Variants in MARK3 observed in about 807,000 individuals in gnomAD.
MARK3 encodes the protein microtubule affinity regulating kinase 3, also known as MAP/microtubule affinity-regulating kinase 3.
A neutral mutation model predicts 90.1 loss-of-function variants in MARK3; 46 were observed. The observed-to-expected ratio is 0.51, with a 90% CI of 0.40 to 0.65. The LOEUF (loss-of-function observed/expected upper bound fraction) is 0.65. Ranked by LOEUF, MARK3 falls within the 30% of genes least tolerant of loss-of-function variation. MARK3 has a pLI of 0.00. For missense variants in MARK3, 818 were observed against 947.2 expected (o/e 0.86, Z 1.79); for synonymous variants, 321 against 332.6 (o/e 0.97, Z 0.38).
intron 4 of MARK3, among the ~76,000 whole-genome samples, chr14:103,450,621 A>G (rs17679475): frequency 0.26 from 39,201 of 152,066 alleles, 6,254 homozygotes; most frequent in Middle Eastern, 0.44. Flanking sequence ...TTTTCTTCAC[A>G]GTCTGAACGT....
chr14:103,453,263 T>C (rs1350316178), intron 5 of MARK3, among the ~76,000 whole-genome samples: 6 of 152,218 alleles, frequency 3.9e-5, no homozygotes, highest in Non-Finnish European at 8.8e-5. Context: ...GGCAGAAGCT[T>C]TCTTGTTCAT....
At position 103,405,165 on chromosome 14, in the gene MARK3, A is replaced by G. The variant is rs762102068; in HGVS notation, c.141A>G (p.Ala47=). The part of the protein sequence containing the change: ...ARCRNSIASC[A]DEQPHIGNYR... ...GTAGAAACTCTATAGCCTCCTGTGC[A>G]GATGAACAACCTCACATCGGAAACT... The change falls in exon 2 of 18, where the codon GCA becomes GCG. Residue 47 remains alanine (A), a synonymous_variant. Transcript: ENST00000429436. 2 of 1,603,458 alleles carry G rather than the reference A, an allele frequency of 1.2e-6. No individual in the cohort carries two copies. The highest frequency in any genetic ancestry group is 1.7e-6 in the Non-Finnish European group (2 of 1,177,224).
In MARK3 at chr14:103,467,098, A is replaced by G. The variant is rs757648850; in HGVS notation, c.1017A>G (p.Gly339=). The change falls in exon 11 of 18, where the codon GGA becomes GGG. Residue 339 remains glycine (G), a synonymous_variant. Transcript: ENST00000429436. ...TTTTAGATATTATGGTGGGAATGGGATATTCACAAGAAGAAATTCAAGAAT... is the reference window on the plus strand; with the variant it reads ...TTTTAGATATTATGGTGGGAATGGGGTATTCACAAGAAGAAATTCAAGAAT... The part of the protein sequence containing the change: ...QKRIDIMVGM[G]YSQEEIQESL... The G allele has an allele frequency of 2.6e-6, 4 of 1,549,094 alleles. No individual in the cohort carries two copies. The highest frequency in any genetic ancestry group is 3.6e-6 in the Non-Finnish European group (4 of 1,123,440).
At chr14:103,477,877 G>A (rs2093742083) in intron 13 of MARK3, among the ~76,000 whole-genome samples, 1 of 151,888 alleles carries the variant, frequency 6.6e-6, no homozygotes, top group Non-Finnish European at 1.5e-5. Context: ...TGTAGTACCA[G>A]CTACTTGAGA....
intron 1 of MARK3, among the ~76,000 whole-genome samples, chr14:103,397,579 C>A (rs1023742183): frequency 6.6e-6 from 1 of 152,140 alleles, no homozygotes. Flanking sequence ...CCTGCCTCAG[C>A]CTCCTAAAGT....
intron 12 of MARK3, among the ~76,000 whole-genome samples, chr14:103,470,205 A>C (rs2141659800): frequency 6.6e-6 from 1 of 152,132 alleles, no homozygotes; most frequent in African/African-American, 2.4e-5. Flanking sequence ...TGTCATTCTC[A>C]TCCATACTCT....
intron 14 of MARK3, chr14:103,489,996 T>A (rs1464306548): frequency 6.6e-6 from 1 of 152,174 alleles, no homozygotes; most frequent in African/African-American, 2.4e-5. Flanking sequence ...GTCCTTTGAT[T>A]AGGAAGGTTC....
intron 1 of MARK3, among the ~76,000 whole-genome samples, chr14:103,393,136 A>G (rs1021195327): frequency 6.6e-6 from 1 of 152,148 alleles, no homozygotes; most frequent in Non-Finnish European, 1.5e-5. Flanking sequence ...GCCTGTTACC[A>G]TGCCCAGCTG....
chr14:103,440,074 C>G (rs980734836), intron 3 of MARK3, among the ~76,000 whole-genome samples: 1 of 152,230 alleles, frequency 6.6e-6, no homozygotes, highest in Non-Finnish European at 1.5e-5. Context: ...TGTGAACCAC[C>G]ATGCCCAGCC....
chr14:103,386,224 C>T, intron 1 of MARK3, 144 bp downstream of exon 1: 1 of 800,826 alleles, frequency 1.2e-6, no homozygotes. Flanking sequence ...GCAGCCAGGT[C>T]GGACCGTTTC....
At chr14:103,398,553 G>A (rs1009658311) in intron 1 of MARK3, among the ~76,000 whole-genome samples, 8 of 152,132 alleles carry the variant, frequency 5.3e-5, no homozygotes, top group Admixed American at 4.6e-4. Flanking sequence ...GGGCTTTTTG[G>A]TAGAGACAGG....
rs896163165 is a variant in MARK3 at position 103,400,378 on chromosome 14, A to G, written c.52-4698A>G. 3.3e-5 allele frequency among the ~76,000 whole-genome samples: 5 copies of G among 152,320 alleles called. No homozygotes were observed. The South Asian group carries it at 6.2e-4, about 19-fold the overall frequency. On this transcript the variant is annotated intron_variant, in intron 1 of 17. Coordinates refer to ENST00000429436, the MANE Select transcript of MARK3 (RefSeq NM_001128918.3). ...GTTTGGGAAAACAAGTATTTGGCCA[A>G]TGTGGTCTCCCTAAACACGTGTTCA...
At position 103,479,822 on chromosome 14, in the gene MARK3, CAG is replaced by C. The variant is rs527469762; in HGVS notation, c.1483-561_1483-560del. On this transcript the variant is annotated intron_variant, in intron 13 of 17. Transcript: ENST00000429436. ...CAGCCAGCTAATTTTGTATTTTTAGCAGAGACGGGTTTTCTCCATGTTGGTCA... is the reference window on the plus strand; with the variant it reads ...CAGCCAGCTAATTTTGTATTTTTAGCAGACGGGTTTTCTCCATGTTGGTCA... 2.7e-3 allele frequency among the ~76,000 whole-genome samples: 404 copies of C among 151,874 alleles called. 2 individuals carry two copies. Among genetic ancestry groups the C allele is most frequent in the African/African-American group, 8.7e-3 (362 of 41,418 alleles).
rs550572263 is a variant in MARK3, at chr14:103,416,455, T to C, written c.243+11188T>C. 2.0e-4 allele frequency among the ~76,000 whole-genome samples: 31 copies of C among 152,294 alleles called. No individual in the cohort carries two copies. In the South Asian group the frequency reaches 5.8e-3, roughly 28 times the overall value. On this transcript the variant is annotated intron_variant, in intron 2 of 17. Coordinates refer to ENST00000429436, the MANE Select transcript of MARK3 (RefSeq NM_001128918.3). ...TGGAGGCATTGGTCTTTGGATAACATGGACAGTTCTTCCATAGAAATAGGA... is the reference window on the plus strand; with the variant it reads ...TGGAGGCATTGGTCTTTGGATAACACGGACAGTTCTTCCATAGAAATAGGA...
chr14:103,435,970 A>C (rs1035105798), intron 3 of MARK3, among the ~76,000 whole-genome samples: 1 of 151,950 alleles, frequency 6.6e-6, no homozygotes, highest in Non-Finnish European at 1.5e-5. Flanking sequence ...GGCTCACTGC[A>C]ACCCCTGCCT....
chr14:103,455,311 G>T (rs1179846637), intron 5 of MARK3, among the ~76,000 whole-genome samples: 1 of 152,134 alleles, frequency 6.6e-6, no homozygotes, highest in Non-Finnish European at 1.5e-5. Flanking sequence ...GTGCTTTTCT[G>T]CAAATAGGTC....
At chr14:103,492,363 G>C (rs148440745) in intron 15 of MARK3, among the ~76,000 whole-genome samples, 43 of 152,138 alleles carry the variant, frequency 2.8e-4, no homozygotes, top group African/African-American at 1.9e-4. Flanking sequence ...GGTGTGGGGT[G>C]GGGGGCTGGC....
chr14:103,497,604 CACTT>C (rs1313230583), intron 15 of MARK3, among the ~76,000 whole-genome samples: 3 of 152,118 alleles, frequency 2.0e-5, no homozygotes, highest in Non-Finnish European at 4.4e-5. Flanking sequence ...GTTGTCTTGA[CACTT>C]AGTTTTTATT....
At position 103,501,346 on chromosome 14, in the gene MARK3, A is replaced by C. The variant is rs187333742; in HGVS notation, c.1916+1146A>C. 4.6e-5 allele frequency among the ~76,000 whole-genome samples: 7 copies of C among 152,318 alleles called. No homozygotes were observed. In the East Asian group the frequency reaches 1.2e-3, roughly 25 times the overall value. ...GTTTGTTTCCCCACCCATAATAGGA[A>C]GGTGACATAATAGGACCTACGTGGG... On this transcript the variant is annotated intron_variant, in intron 17 of 17. Transcript: ENST00000429436.
Sources: allele counts gnomAD v4.1 joint callset (sites outside exome capture counted in the v4.1 genomes callset), GRCh38; gene constraint gnomAD v4.1.1; transcripts MANE v1.5; gene names NCBI Gene and HGNC (gene_info 2026-07-23, HGNC 2026-07-21).